PTGIS: variants seen among roughly 807,000 people sequenced by gnomAD.
PTGIS encodes the protein prostaglandin I2 synthase, also known as prostacyclin synthase.
A neutral mutation model predicts 50.3 loss-of-function variants in PTGIS; 45 were observed. The observed-to-expected ratio is 0.90, with a 90% CI of 0.70 to 1.15. The LOEUF is 1.15. Among genes scored for constraint, PTGIS ranks in the 50% most tolerant of loss-of-function variants. PTGIS has a pLI of 0.00. For synonymous variants in PTGIS, 260 were observed against 267.7 expected, an observed-to-expected ratio of 0.97 and a Z score of 0.28; for missense variants, 668 against 661.3, an observed-to-expected ratio of 1.01 and a Z score of -0.11.
intron 1 of PTGIS, among the ~76,000 whole-genome samples, chr20:49,560,813 G>A (rs1021789975): frequency 6.6e-6 from 1 of 152,226 alleles, no homozygotes; most frequent in African/African-American, 2.4e-5. Flanking sequence ...CGTAGGCGAT[G>A]ATGCTGGAGA....
chr20:49,556,782 T>A (rs1982630934), intron 1 of PTGIS, among the ~76,000 whole-genome samples: 1 of 152,186 alleles, frequency 6.6e-6, no homozygotes, highest in Non-Finnish European at 1.5e-5. Context: ...TGTTTTTCCA[T>A]TTTTATTATT....
chr20:49,517,955 G>A (rs577427668), intron 6 of PTGIS, among the ~76,000 whole-genome samples: 2 of 152,346 alleles, frequency 1.3e-5, no homozygotes, highest in African/African-American at 4.8e-5. Context: ...ACGCAGAGTG[G>A]GGCATATGAC....
intron 5 of PTGIS, among the ~76,000 whole-genome samples, chr20:49,535,659 C>T (rs911746519): frequency 9.9e-5 from 15 of 152,168 alleles, no homozygotes; most frequent in Non-Finnish European, 1.9e-4. Context: ...GGATTACAGG[C>T]GCTTGCCGCC....
chr20:49,510,630 C>A (rs147400064), intron 9 of PTGIS, among the ~76,000 whole-genome samples: 40 of 152,220 alleles, frequency 2.6e-4, no homozygotes, highest in South Asian at 8.3e-4. Flanking sequence ...AGGCTCTCGG[C>A]CCCACAGGTA....
At chr20:49,525,012 A>G (rs1362991424) in intron 5 of PTGIS, among the ~76,000 whole-genome samples, 1 of 152,232 alleles carries the variant, frequency 6.6e-6, no homozygotes, top group African/African-American at 2.4e-5. Context: ...CCCAGGGTCC[A>G]ACCCCAGAGC....
chr20:49,531,278 A>T lies in PTGIS; in HGVS notation c.674-7039T>A, dbSNP rs138426384. The stretch of plus-strand genomic sequence containing the variant: ...TAGAGATTCAAGGAATTCAGTGCAT[A>T]TGGGAGTGAGGAAGAGAAGATTCTG... On this transcript the variant is annotated intron_variant, in intron 5 of 9. Coordinates refer to ENST00000244043, the MANE Select transcript of PTGIS (RefSeq NM_000961.4). Among the ~76,000 whole-genome samples the T allele has an allele frequency of 4.9e-4, 75 of 152,278 alleles. No homozygotes were observed. The East Asian group carries it at 0.014, about 27-fold the overall frequency.
At chr20:49,519,239 C>A (rs1196709614) in intron 6 of PTGIS, among the ~76,000 whole-genome samples, 2 of 151,952 alleles carry the variant, frequency 1.3e-5, no homozygotes, top group African/African-American at 4.8e-5. Context: ...GAGACTCCCA[C>A]TGCTCCTTCC....
chr20:49,509,021 A>G (rs1981238373), intron 9 of PTGIS, among the ~76,000 whole-genome samples: 1 of 152,214 alleles, frequency 6.6e-6, no homozygotes, highest in Non-Finnish European at 1.5e-5. Context: ...GTCTCACTGA[A>G]GGAGTGAAGA....
chr20:49,515,762 C>T (rs1459513613), intron 6 of PTGIS, among the ~76,000 whole-genome samples: 6 of 152,110 alleles, frequency 3.9e-5, no homozygotes, highest in Non-Finnish European at 5.9e-5. Context: ...CTGTGTGTAC[C>T]GATGTGGGAC....
chr20:49,557,229 G>A (rs911323484), intron 1 of PTGIS, among the ~76,000 whole-genome samples: 1 of 152,106 alleles, frequency 6.6e-6, no homozygotes, highest in Non-Finnish European at 1.5e-5. Context: ...AGACATGAGA[G>A]ATCAGACAAA....
At chr20:49,535,667 G>A (rs1163105484) in intron 5 of PTGIS, among the ~76,000 whole-genome samples, 1 of 152,052 alleles carries the variant, frequency 6.6e-6, no homozygotes, top group Non-Finnish European at 1.5e-5. Flanking sequence ...GGCGCTTGCC[G>A]CCATGCCCGG....
In PTGIS at chr20:49,508,075, A is replaced by T. The variant is rs1010272210; in HGVS notation, c.1359-11T>A. 16 of 1,613,556 alleles carry T rather than the reference A, an allele frequency of 9.9e-6. No individual in the cohort carries two copies. The highest frequency in any genetic ancestry group is 1.4e-5 in the Non-Finnish European group (16 of 1,180,008). On this transcript the variant is annotated splice_polypyrimidine_tract_variant and intron_variant, in intron 9 of 9. Transcript: ENST00000244043. ...ACAAGGAACACAAATCTGCAGAGAG[A>T]TGGCATGGAAGGTGTGAAGGAGAGG...
chr20:49,548,982 C>T (rs1018023638), intron 2 of PTGIS, among the ~76,000 whole-genome samples: 1 of 151,678 alleles, frequency 6.6e-6, no homozygotes, highest in African/African-American at 2.4e-5. Flanking sequence ...TGGAAGGATA[C>T]ATGGAAGGTG....
At chr20:49,539,542 C>G (rs369849934) in intron 5 of PTGIS, 28 bp downstream of exon 5, 14 of 1,609,608 alleles carry the variant, frequency 8.7e-6, no homozygotes, top group Middle Eastern at 3.4e-4. Context: ...TCCTCCCCCC[C>G]ACCCACTGGG....
chr20:49,536,812 T>C (rs1293083841), intron 5 of PTGIS, among the ~76,000 whole-genome samples: 1 of 152,032 alleles, frequency 6.6e-6, no homozygotes, highest in Non-Finnish European at 1.5e-5. Context: ...CCTCAGCCAA[T>C]TCTAACAGCT....
chr20:49,549,130 C>T (rs1244325301), intron 2 of PTGIS, among the ~76,000 whole-genome samples: 5 of 151,994 alleles, frequency 3.3e-5, no homozygotes, highest in East Asian at 1.9e-4. Context: ...CAGAAAGATG[C>T]GTAGATAAAC....
intron 5 of PTGIS, among the ~76,000 whole-genome samples, chr20:49,525,177 C>T (rs1211487809): frequency 1.3e-5 from 2 of 152,202 alleles, no homozygotes; most frequent in African/African-American, 2.4e-5. Flanking sequence ...AAAAGAGAGA[C>T]GGGCCAGAAA....
chr20:49,517,124 C>T (rs749704650), intron 6 of PTGIS, among the ~76,000 whole-genome samples: 16 of 152,250 alleles, frequency 1.1e-4, no homozygotes, highest in Non-Finnish European at 2.1e-4. Context: ...GGCCCCTCCC[C>T]TGGATTTGAA....
chr20:49,544,551 C>G, intron 3 of PTGIS, 103 bp from the exon 4 acceptor site: 1 of 1,353,680 alleles, frequency 7.4e-7, no homozygotes, highest in South Asian at 1.2e-5. Flanking sequence ...CTCAAGCTCC[C>G]CATTGGCAAA....
Sources: gnomAD v4.1 joint callset for allele counts (sites outside exome capture counted in the v4.1 genomes callset) on GRCh38, gnomAD v4.1.1 for gene constraint, MANE v1.5 for transcripts, NCBI Gene and HGNC (gene_info 2026-07-23, HGNC 2026-07-21) for gene names.